The following SETBP1 variants were observed in gnomAD, a reference collection of about 807,000 sequenced individuals.
SETBP1 encodes the protein SET-binding protein.
In SETBP1, 9 loss-of-function variants were observed where a neutral mutation model predicts 101.0. That is an observed-to-expected ratio of 0.09 (90% confidence interval 0.05 to 0.16). SETBP1 has a LOEUF of 0.16. Ranked by LOEUF, SETBP1 falls within the 10% of genes least tolerant of loss-of-function variation. The pLI is 1.00. For missense variants in SETBP1, 1,858 were observed against 2,033.8 expected, an observed-to-expected ratio of 0.91 and a Z score of 1.66; for synonymous variants, 818 against 788.5, an observed-to-expected ratio of 1.04 and a Z score of -0.63.
chr18:44,729,105 C>A (rs948758705), intron 2 of SETBP1, among the ~76,000 whole-genome samples: 21 of 152,194 alleles, frequency 1.4e-4, no homozygotes, highest in African/African-American at 5.1e-4. Flanking sequence ...TGTTACAGAG[C>A]TAGTAAGAGG....
intron 2 of SETBP1, among the ~76,000 whole-genome samples, chr18:44,749,918 T>C (rs1169932515): frequency 1.3e-5 from 2 of 152,210 alleles, no homozygotes; most frequent in Non-Finnish European, 2.9e-5. Context: ...CTGACAGTTG[T>C]TGCTTTGAGC....
intron 3 of SETBP1, among the ~76,000 whole-genome samples, chr18:44,890,364 A>G (rs1334992392): frequency 6.6e-6 from 1 of 152,128 alleles, no homozygotes; most frequent in African/African-American, 2.4e-5. Context: ...AGGGGCTGTT[A>G]GTTCTGTATA....
At chr18:44,782,885 A>G (rs1320385360) in intron 2 of SETBP1, among the ~76,000 whole-genome samples, 1 of 152,158 alleles carries the variant, frequency 6.6e-6, no homozygotes, top group Non-Finnish European at 1.5e-5. Context: ...GGGAAGCCCT[A>G]ATAGTATTTA....
chr18:45,003,953 A>G (rs2072671893), intron 4 of SETBP1, among the ~76,000 whole-genome samples: 1 of 152,124 alleles, frequency 6.6e-6, no homozygotes, highest in Non-Finnish European at 1.5e-5. Context: ...GACTTTTGGC[A>G]ATGTCTGGAG....
chr18:44,812,925 G>A (rs2071893596), intron 2 of SETBP1, among the ~76,000 whole-genome samples: 1 of 152,168 alleles, frequency 6.6e-6, no homozygotes, highest in African/African-American at 2.4e-5. Context: ...CAGAAGTGTT[G>A]CCAAGATTGT....
At chr18:44,712,953 C>CTTT (rs11323504) in intron 2 of SETBP1, among the ~76,000 whole-genome samples, 17 of 64,916 alleles carry the variant, frequency 2.6e-4, no homozygotes, top group East Asian at 5.0e-4. Context: ...CAGCATCCCT[C>CTTT]TTTTTTTTTT....
chr18:44,888,058 G>A (rs2144768479), intron 3 of SETBP1, among the ~76,000 whole-genome samples: 1 of 152,228 alleles, frequency 6.6e-6, no homozygotes, highest in South Asian at 2.1e-4. Context: ...TAGAAGAGCA[G>A]TCAATCTCCA....
intron 4 of SETBP1, among the ~76,000 whole-genome samples, chr18:44,963,548 G>T (rs933794350): frequency 1.3e-5 from 2 of 151,760 alleles, no homozygotes; most frequent in African/African-American, 4.8e-5. Context: ...CAATTTAAGG[G>T]GCTTTACCCA....
chr18:44,794,227 G>A (rs1167896508), intron 2 of SETBP1, among the ~76,000 whole-genome samples: 1 of 152,130 alleles, frequency 6.6e-6, no homozygotes, highest in Non-Finnish European at 1.5e-5. Context: ...GCCATTGTAC[G>A]GCATTTTGTA....
chr18:44,950,728 G>A lies in SETBP1; in HGVS notation c.1388G>A (p.Arg463His), dbSNP rs781159539. 34 of 1,613,984 alleles carry A rather than the reference G, an allele frequency of 2.1e-5. No individual in the cohort carries two copies. The highest frequency in any genetic ancestry group is 8.3e-5 in the Admixed American group (5 of 60,004). Residue 463 changes from arginine to histidine, a missense_variant, in exon 4 of 6, where the codon CGT becomes CAT. By Grantham distance (29) the Arg-to-His change is conservative. Transcript: ENST00000649279. ...SNSEGNKKDP[R>H]VPKLSKMIEN... ...TCTGAGGGGAATAAGAAGGATCCCC[G>A]TGTCCCTAAGTTGAGTAAAATGATA...
intron 2 of SETBP1, among the ~76,000 whole-genome samples, chr18:44,843,153 G>A (rs1483388300): frequency 1.3e-5 from 2 of 152,188 alleles, no homozygotes; most frequent in Non-Finnish European, 2.9e-5. Flanking sequence ...TGGGAAGGAG[G>A]ATGATGAGCA....
At chr18:44,875,486 G>A (rs953621354) in intron 3 of SETBP1, among the ~76,000 whole-genome samples, 1 of 138,752 alleles carries the variant, frequency 7.2e-6, no homozygotes, top group African/African-American at 2.8e-5. Flanking sequence ...CCGAGATCGC[G>A]CCGCTGCACT....
At chr18:44,724,885 C>G (rs1019525922) in intron 2 of SETBP1, among the ~76,000 whole-genome samples, 2 of 151,998 alleles carry the variant, frequency 1.3e-5, no homozygotes, top group African/African-American at 4.8e-5. Flanking sequence ...GGGGGTGGGG[C>G]TGGAAGTGGA....
At chr18:44,818,220 G>T (rs968056087) in intron 2 of SETBP1, among the ~76,000 whole-genome samples, 10 of 152,076 alleles carry the variant, frequency 6.6e-5, no homozygotes, top group African/African-American at 2.4e-4. Context: ...TTTTTTAATT[G>T]GAGAGATGTT....
intron 5 of SETBP1, among the ~76,000 whole-genome samples, chr18:45,049,742 C>T (rs1174116111): frequency 1.3e-5 from 2 of 152,102 alleles, no homozygotes; most frequent in African/African-American, 4.8e-5. Flanking sequence ...AAACAGTGTG[C>T]AGGAACAGTT....
chr18:44,756,704 C>A (rs894033837), intron 2 of SETBP1, among the ~76,000 whole-genome samples: 1 of 152,186 alleles, frequency 6.6e-6, no homozygotes, highest in Non-Finnish European at 1.5e-5. Flanking sequence ...TTCTGCCTTG[C>A]TAAGCTCATT....
At chr18:44,753,061 G>T (rs752055700) in intron 2 of SETBP1, among the ~76,000 whole-genome samples, 2 of 152,102 alleles carry the variant, frequency 1.3e-5, no homozygotes, top group Non-Finnish European at 2.9e-5. Flanking sequence ...GACAATTATG[G>T]TTTTTTTATG....
intron 2 of SETBP1, among the ~76,000 whole-genome samples, chr18:44,832,541 G>C (rs925765232): frequency 6.6e-6 from 1 of 152,218 alleles, no homozygotes; most frequent in Non-Finnish European, 1.5e-5. Context: ...ATGCAAACTA[G>C]TCATGGCAGA....
intron 3 of SETBP1, among the ~76,000 whole-genome samples, chr18:44,885,981 T>C (rs2069638347): frequency 6.6e-6 from 1 of 151,944 alleles, no homozygotes; most frequent in Non-Finnish European, 1.5e-5. Context: ...TGAACTGCAG[T>C]GGAGTGCCAC....
Sources: allele counts gnomAD v4.1 joint callset (sites outside exome capture counted in the v4.1 genomes callset), GRCh38; gene constraint gnomAD v4.1.1; transcripts MANE v1.5; gene names NCBI Gene and HGNC (gene_info 2026-07-23, HGNC 2026-07-21).